Variants in EXOC4 observed in about 807,000 individuals in gnomAD.
EXOC4 encodes exocyst complex component 4, also known as SEC8-like 1.
Under a neutral mutation model 107.2 loss-of-function variants are expected in EXOC4, and 71 were observed. That is an observed-to-expected ratio of 0.66 (90% CI 0.55 to 0.81). The LOEUF (loss-of-function observed/expected upper bound fraction) is 0.81. Among genes scored for constraint, EXOC4 ranks in the 30% least tolerant of loss-of-function variants. EXOC4 has a pLI of 0.00. For synonymous variants in EXOC4, 456 were observed against 441.2 expected, an observed-to-expected ratio of 1.03 and a Z score of -0.42; for missense variants, 1,108 against 1,189.6, an observed-to-expected ratio of 0.93 and a Z score of 1.01.
intron 10 of EXOC4, among the ~76,000 whole-genome samples, chr7:133,711,039 G>A (rs146634735): frequency 1.3e-3 from 204 of 152,186 alleles, no homozygotes; most frequent in East Asian, 0.013. Context: ...CCGTCCCCAC[G>A]GAAAAACAGC....
chr7:133,357,175 G>T (rs747711403), intron 6 of EXOC4, among the ~76,000 whole-genome samples: 5 of 152,170 alleles, frequency 3.3e-5, no homozygotes, highest in African/African-American at 9.7e-5. Flanking sequence ...ATCAAATAAT[G>T]TAGCAGCTAT....
At chr7:133,673,352 A>G (rs1793988654) in intron 10 of EXOC4, among the ~76,000 whole-genome samples, 1 of 152,208 alleles carries the variant, frequency 6.6e-6, no homozygotes, top group Non-Finnish European at 1.5e-5. Context: ...AATCTCTGGT[A>G]GCTAGATCTG....
chr7:133,376,520 G>A (rs918884), intron 7 of EXOC4, among the ~76,000 whole-genome samples: 150,140 of 152,310 alleles, frequency 0.99, 74,018 homozygotes, highest in East Asian at 1. Context: ...AGCACAGTCA[G>A]CTGAGAAAAA....
At chr7:133,317,800 G>A (rs993263467) in intron 5 of EXOC4, among the ~76,000 whole-genome samples, 4 of 152,052 alleles carry the variant, frequency 2.6e-5, no homozygotes, top group Non-Finnish European at 5.9e-5. Flanking sequence ...TCCTGCCTTG[G>A]CCTCAAGAGA....
intron 1 of EXOC4, among the ~76,000 whole-genome samples, chr7:133,258,235 T>G (rs1221316819): frequency 6.6e-6 from 1 of 152,236 alleles, no homozygotes; most frequent in African/African-American, 2.4e-5. Context: ...TACCGTACTC[T>G]GGCTCAGAAT....
intron 11 of EXOC4, among the ~76,000 whole-genome samples, chr7:133,885,561 G>T (rs1248082270): frequency 6.6e-6 from 1 of 152,326 alleles, no homozygotes; most frequent in South Asian, 2.1e-4. Flanking sequence ...CCTAGTGGAA[G>T]AGATAGCCAA....
chr7:133,509,321 A>G (rs1321671351), intron 9 of EXOC4, among the ~76,000 whole-genome samples: 6 of 151,912 alleles, frequency 3.9e-5, no homozygotes, highest in African/African-American at 1.4e-4. Flanking sequence ...CCAGCTACTC[A>G]GGAGGCTGAG....
At chr7:133,647,173 A>G (rs1803013827) in intron 10 of EXOC4, among the ~76,000 whole-genome samples, 1 of 152,222 alleles carries the variant, frequency 6.6e-6, no homozygotes, top group Non-Finnish European at 1.5e-5. Flanking sequence ...TAATGAGCAT[A>G]CATCTTGAAT....
intron 14 of EXOC4, among the ~76,000 whole-genome samples, chr7:133,952,466 A>C (rs143943483): frequency 6.6e-6 from 1 of 152,266 alleles, no homozygotes; most frequent in Non-Finnish European, 1.5e-5. Context: ...GGATCTTAGG[A>C]GTGTTAGCTA....
At chr7:133,315,192 C>T (rs1280093657) in intron 4 of EXOC4, 1 of 152,502 alleles carries the variant, frequency 6.6e-6, no homozygotes, top group Non-Finnish European at 1.5e-5. Context: ...CACTTGCTCA[C>T]AACAACTTGT....
intron 9 of EXOC4, among the ~76,000 whole-genome samples, chr7:133,580,927 T>C (rs1008118439): frequency 2.0e-5 from 3 of 152,226 alleles, no homozygotes; most frequent in African/African-American, 7.2e-5. Context: ...GTATGATACA[T>C]GAATACACAT....
chr7:133,345,843 C>G (rs1584835429), intron 5 of EXOC4, among the ~76,000 whole-genome samples: 1 of 152,180 alleles, frequency 6.6e-6, no homozygotes, highest in South Asian at 2.1e-4. Flanking sequence ...CTCCTCCTTT[C>G]TGGAGTGGGT....
chr7:133,784,591 G>A lies in EXOC4; in HGVS notation c.1515-32734G>A, dbSNP rs189483117. On this transcript the variant is annotated intron_variant, in intron 10 of 17. Transcript: ENST00000253861. ...ATAATGATGCTTTCAGATTTCTAAAGAGTCTGTAATTAAATGACATCACTG... is the reference window on the plus strand; with the variant it reads ...ATAATGATGCTTTCAGATTTCTAAAAAGTCTGTAATTAAATGACATCACTG... 1.6e-4 allele frequency among the ~76,000 whole-genome samples: 24 copies of A among 152,308 alleles called. No individual in the cohort carries two copies. The East Asian group carries it at 3.5e-3, about 22-fold the overall frequency.
Position 133,759,570 on chromosome 7 carries a change from T to C in EXOC4, c.1515-57755T>C, listed in dbSNP as rs79478057. Among the ~76,000 whole-genome samples, 47 of 152,344 alleles carry C rather than the reference T, an allele frequency of 3.1e-4. 1 individual carries two copies. The East Asian group carries it at 8.9e-3, about 29-fold the overall frequency. ...TAGATTTACATAACTTTTTCATGGT[T>C]ACATGACTAGTAAATGGCAGAGCCA... is the stretch of plus-strand genomic sequence containing the variant. On this transcript the variant is annotated intron_variant, in intron 10 of 17. Transcript: ENST00000253861.
intron 12 of EXOC4, among the ~76,000 whole-genome samples, chr7:133,897,068 A>T (rs1358984384): frequency 2.0e-5 from 3 of 149,856 alleles, no homozygotes; most frequent in Non-Finnish European, 4.4e-5. Context: ...ATTAAGACCA[A>T]CTAAAAAGGG....
At chr7:133,516,807 A>G (rs2150905641) in intron 9 of EXOC4, among the ~76,000 whole-genome samples, 1 of 105,226 alleles carries the variant, frequency 9.5e-6, no homozygotes, top group African/African-American at 3.5e-5. Context: ...AGTCGAAAAC[A>G]TTTAGTTAAG....
intron 10 of EXOC4, among the ~76,000 whole-genome samples, chr7:133,755,254 T>TA (rs1795881831): frequency 1.0e-5 from 1 of 98,162 alleles, no homozygotes; most frequent in African/African-American, 4.8e-5. Flanking sequence ...ATATATATAT[T>TA]ATATATATAT....
chr7:133,467,750 ATTT>A (rs910010715), intron 7 of EXOC4, among the ~76,000 whole-genome samples: 2 of 147,312 alleles, frequency 1.4e-5, no homozygotes, highest in African/African-American at 5.2e-5. Context: ...CTGTGCCTTC[ATTT>A]TTTTTTGTTT....
At chr7:134,073,317 A>G in the EXOC4 span, among the ~76,000 whole-genome samples, 1,532 of 150,462 alleles carry the variant, frequency 0.01, 19 homozygotes, top group East Asian at 0.027. Flanking sequence ...CCCCAGAACC[A>G]TCCATCCTCA....
Sources: allele counts gnomAD v4.1 joint callset (sites outside exome capture counted in the v4.1 genomes callset), GRCh38; gene constraint gnomAD v4.1.1; transcripts MANE v1.5; gene names NCBI Gene and HGNC (gene_info 2026-07-23, HGNC 2026-07-21).